TP63: variants seen among roughly 807,000 people sequenced by gnomAD.
TP63 encodes the protein tumor protein 63.
Under a neutral mutation model 82.8 loss-of-function variants are expected in TP63, and 17 were observed. The ratio of observed to expected loss-of-function variants is 0.21; its 90% CI spans 0.14 to 0.31. The LOEUF (loss-of-function observed/expected upper bound fraction) is 0.31, where lower values mean the gene tolerates loss of function less well. Ranked by LOEUF, TP63 falls within the 10% of genes least tolerant of loss-of-function variation. TP63 has a pLI of 1.00. For missense variants in TP63, 648 were observed against 895.3 expected (o/e 0.72, Z 3.52); for synonymous variants, 330 against 321.7 (o/e 1.03, Z -0.28).
intron 1 of TP63, among the ~76,000 whole-genome samples, chr3:189,642,314 A>G (rs1314854443): frequency 6.6e-6 from 1 of 152,208 alleles, no homozygotes; most frequent in Admixed American, 6.5e-5. Context: ...ATGAGATATG[A>G]ACAGCGAAAT....
intron 9 of TP63, 102 bp from the exon 10 acceptor site, chr3:189,872,757 C>A (rs1718586428): frequency 2.0e-6 from 3 of 1,522,500 alleles, no homozygotes; most frequent in Non-Finnish European, 1.8e-6. Flanking sequence ...AGCAAATAAA[C>A]AAATTGCAAT....
chr3:189,703,088 G>A (rs767821642), intron 1 of TP63, among the ~76,000 whole-genome samples: 3 of 152,160 alleles, frequency 2.0e-5, no homozygotes, highest in Admixed American at 6.5e-5. Context: ...CTGATGAGTG[G>A]TGCAATCAGA....
At chr3:189,598,834 A>G in the TP63 span, among the ~76,000 whole-genome samples, 1 of 152,206 alleles carries the variant, frequency 6.6e-6, no homozygotes, top group Non-Finnish European at 1.5e-5. Flanking sequence ...AGAGACAGAA[A>G]TCAGAATCAT....
At chr3:189,746,278 A>G (rs915960497) in intron 3 of TP63, among the ~76,000 whole-genome samples, 3 of 149,222 alleles carry the variant, frequency 2.0e-5, no homozygotes, top group African/African-American at 7.4e-5. Flanking sequence ...GTGCTGAAAG[A>G]AAAAAAAAAT....
chr3:189,682,547 AAAAAAAAT>A (rs1284361069), intron 1 of TP63, among the ~76,000 whole-genome samples: 7 of 27,742 alleles, frequency 2.5e-4, no homozygotes, highest in African/African-American at 6.3e-4. Context: ...AAAAAAAAAA[AAAAAAAAT>A]ATATATATAT....
At chr3:189,596,940 C>G in the TP63 span, among the ~76,000 whole-genome samples, 1 of 152,110 alleles carries the variant, frequency 6.6e-6, no homozygotes, top group Non-Finnish European at 1.5e-5. Context: ...ACTCCAGACG[C>G]ACCGCCTTAA....
chr3:189,697,483 A>C lies in TP63; in HGVS notation c.63-40257A>C, dbSNP rs539346732. Among the ~76,000 whole-genome samples the C allele has an allele frequency of 2.0e-5, 3 of 152,056 alleles. No homozygotes were observed. In the East Asian group the frequency reaches 5.8e-4, roughly 29 times the overall value. The stretch of plus-strand genomic sequence containing the variant: ...TATGTCTTGAAACCAGGTAGAATGA[A>C]TCCTCCAATTTTTTTCTTTTTCAGT... On this transcript the variant is annotated intron_variant, in intron 1 of 13. Transcript: ENST00000264731.
intron 3 of TP63, among the ~76,000 whole-genome samples, chr3:189,797,873 C>G (rs140442172): frequency 6.6e-6 from 1 of 152,148 alleles, no homozygotes; most frequent in African/African-American, 2.4e-5. Context: ...ATCTCCAGGT[C>G]AAATCCTTTC....
chr3:189,606,966 T>A, the TP63 span, among the ~76,000 whole-genome samples: 65,859 of 152,026 alleles, frequency 0.43, 15,076 homozygotes, highest in East Asian at 0.68. Flanking sequence ...GCCAGTACTT[T>A]CTCTTTCATG....
At chr3:189,735,031 A>G (rs1560144582) in intron 1 of TP63, among the ~76,000 whole-genome samples, 2 of 152,138 alleles carry the variant, frequency 1.3e-5, no homozygotes, top group Non-Finnish European at 2.9e-5. Context: ...TCATTAATCT[A>G]CAGAAGGTTC....
intron 1 of TP63, among the ~76,000 whole-genome samples, chr3:189,671,211 A>G (rs527469103): frequency 1.2e-4 from 19 of 152,220 alleles, no homozygotes; most frequent in Non-Finnish European, 2.6e-4. Flanking sequence ...ATATGATTTT[A>G]ATAATGGGCA....
At chr3:189,836,509 A>G (rs1231561740) in intron 4 of TP63, among the ~76,000 whole-genome samples, 3 of 152,168 alleles carry the variant, frequency 2.0e-5, no homozygotes, top group Non-Finnish European at 4.4e-5. Context: ...TAATTTGGTT[A>G]TTTAATATAA....
At chr3:189,618,369 C>G in the TP63 span, among the ~76,000 whole-genome samples, 1 of 152,184 alleles carries the variant, frequency 6.6e-6, no homozygotes, top group Non-Finnish European at 1.5e-5. Flanking sequence ...CTGACCCATT[C>G]TTTCCTTTTC....
At position 189,648,794 on chromosome 3, in the gene TP63, G is replaced by A. The variant is rs773098924; in HGVS notation, c.62+17217G>A. Among the ~76,000 whole-genome samples, 5 of 146,548 alleles carry A rather than the reference G, an allele frequency of 3.4e-5. 1 individual carries two copies. The South Asian group carries it at 1.1e-3, about 33-fold the overall frequency. ...TTGTTTGCTCAAATCCCTCATAGTCGTTTAGGACTTTGTCATGTAAAACCA... is the reference window on the plus strand; with the variant it reads ...TTGTTTGCTCAAATCCCTCATAGTCATTTAGGACTTTGTCATGTAAAACCA... On this transcript the variant is annotated intron_variant, in intron 1 of 13. Coordinates refer to ENST00000264731, the MANE Select transcript of TP63 (RefSeq NM_003722.5).
chr3:189,676,940 T>C (rs1644327767), intron 1 of TP63, among the ~76,000 whole-genome samples: 1 of 151,958 alleles, frequency 6.6e-6, no homozygotes, highest in Admixed American at 6.6e-5. Flanking sequence ...CTGGTATACA[T>C]TGTACACATT....
chr3:189,817,470 A>C (rs572554999), intron 4 of TP63, among the ~76,000 whole-genome samples: 1 of 152,100 alleles, frequency 6.6e-6, no homozygotes, highest in Non-Finnish European at 1.5e-5. Flanking sequence ...TGAGTATTAT[A>C]ATTTTTACTT....
intron 3 of TP63, among the ~76,000 whole-genome samples, chr3:189,791,350 A>G (rs1047509518): frequency 2.0e-5 from 3 of 152,128 alleles, no homozygotes; most frequent in Non-Finnish European, 4.4e-5. Context: ...GCAAGAAATG[A>G]TTAATTTTAG....
At chr3:189,731,094 G>A (rs1472991888) in intron 1 of TP63, among the ~76,000 whole-genome samples, 1 of 152,166 alleles carries the variant, frequency 6.6e-6, no homozygotes, top group Non-Finnish European at 1.5e-5. Context: ...TGTAATCCCA[G>A]CGCTCTGGGA....
In TP63 at chr3:189,636,044, G is replaced by T. The variant is rs1415728207; in HGVS notation, c.62+4467G>T. On this transcript the variant is annotated intron_variant, in intron 1 of 13. Coordinates refer to ENST00000264731, the MANE Select transcript of TP63 (RefSeq NM_003722.5). The stretch of plus-strand genomic sequence containing the variant: ...CTGCATATGTTGTTTATACACAGTT[G>T]TTTATACACACTTTTAAAGAAATAT... 2.0e-5 allele frequency among the ~76,000 whole-genome samples: 3 copies of T among 152,158 alleles called. No homozygotes were observed. The East Asian group carries it at 5.8e-4, about 29-fold the overall frequency.
Sources: allele counts gnomAD v4.1 joint callset (sites outside exome capture counted in the v4.1 genomes callset), GRCh38; gene constraint gnomAD v4.1.1; transcripts MANE v1.5; gene names NCBI Gene and HGNC (gene_info 2026-07-23, HGNC 2026-07-21).